Variants in EBF2 observed in about 807,000 individuals in gnomAD.
The protein encoded by EBF2 is EBF transcription factor 2, also known as transcription factor COE2.
In EBF2, 21 loss-of-function variants were observed where a neutral mutation model predicts 72.8. The observed-to-expected ratio is 0.29, with a 90% CI of 0.20 to 0.42. The LOEUF is 0.42. Among genes scored for constraint, EBF2 ranks in the 10% least tolerant of loss-of-function variants. The pLI is 1.00. For missense variants in EBF2, 637 were observed against 731.2 expected, an observed-to-expected ratio of 0.87 and a Z score of 1.49; for synonymous variants, 299 against 274.2, an observed-to-expected ratio of 1.09 and a Z score of -0.89.
chr8:25,970,351 G>A (rs764483606), intron 6 of EBF2, among the ~76,000 whole-genome samples: 3 of 152,112 alleles, frequency 2.0e-5, no homozygotes, highest in African/African-American at 7.2e-5. Flanking sequence ...AGCATGTGTC[G>A]GTCTCGGAGC....
chr8:25,923,912 C>G (rs1366014299), intron 6 of EBF2, among the ~76,000 whole-genome samples: 1 of 142,792 alleles, frequency 7.0e-6, no homozygotes. Flanking sequence ...CTCTTTTAAC[C>G]TGGGCTGAAT....
intron 6 of EBF2, among the ~76,000 whole-genome samples, chr8:25,961,309 A>G (rs1464941719): frequency 6.6e-5 from 10 of 152,232 alleles, no homozygotes. Flanking sequence ...AATAAATTTT[A>G]CAATTTGCTA....
At chr8:25,889,191 T>A (rs931664629) in intron 8 of EBF2, among the ~76,000 whole-genome samples, 1 of 152,164 alleles carries the variant, frequency 6.6e-6, no homozygotes, top group African/African-American at 2.4e-5. Context: ...ATAATTAAAA[T>A]GGAATTTACT....
At chr8:25,912,768 A>G (rs565557833) in intron 6 of EBF2, among the ~76,000 whole-genome samples, 8 of 152,266 alleles carry the variant, frequency 5.3e-5, no homozygotes, top group African/African-American at 1.9e-4. Context: ...ACGTTTCTCC[A>G]GATTCTGAAA....
chr8:25,953,808 T>A (rs1267344706), intron 6 of EBF2, among the ~76,000 whole-genome samples: 2 of 152,132 alleles, frequency 1.3e-5, no homozygotes, highest in Non-Finnish European at 2.9e-5. Flanking sequence ...TAGGGCAACA[T>A]CACACAGAGC....
intron 6 of EBF2, among the ~76,000 whole-genome samples, chr8:25,990,467 GC>G (rs1804526388): frequency 6.6e-6 from 1 of 152,122 alleles, no homozygotes; most frequent in Non-Finnish European, 1.5e-5. Flanking sequence ...CCAGCTTGGG[GC>G]CAAGCACTCA....
intron 7 of EBF2, among the ~76,000 whole-genome samples, chr8:25,903,794 G>A (rs1033075858): frequency 6.6e-6 from 1 of 152,224 alleles, no homozygotes; most frequent in Admixed American, 6.5e-5. Flanking sequence ...CTTAGGAGGA[G>A]GCAGCGACAC....
At chr8:26,011,268 A>G (rs1425508073) in intron 6 of EBF2, among the ~76,000 whole-genome samples, 1 of 152,196 alleles carries the variant, frequency 6.6e-6, no homozygotes, top group East Asian at 1.9e-4. Flanking sequence ...ACGATTTCTT[A>G]TTTTTAGGTT....
intron 14 of EBF2, among the ~76,000 whole-genome samples, chr8:25,853,163 A>C (rs1484005631): frequency 6.6e-6 from 1 of 152,216 alleles, no homozygotes; most frequent in African/African-American, 2.4e-5. Context: ...TTTAAAAGCA[A>C]AATTGTAAAA....
intron 14 of EBF2, 77 bp downstream of exon 14, chr8:25,858,242 C>T (rs919794906): frequency 2.6e-6 from 4 of 1,561,240 alleles, no homozygotes; most frequent in Non-Finnish European, 3.5e-6. Flanking sequence ...ACAAATGCAA[C>T]TTTCTCCCAA....
chr8:25,903,659 T>C (rs6557869), intron 7 of EBF2, among the ~76,000 whole-genome samples: 102 of 152,168 alleles, frequency 6.7e-4, no homozygotes, highest in African/African-American at 2.3e-3. Flanking sequence ...ATCGCGCCAC[T>C]GCACTCCAGC....
intron 7 of EBF2, among the ~76,000 whole-genome samples, chr8:25,907,419 CAAAAAAAAAAA>C (rs55695734): frequency 2.4e-3 from 70 of 28,902 alleles, no homozygotes; most frequent in African/African-American, 5.1e-3. Context: ...GACCCTGCCT[CAAAAAAAAAAA>C]AAAAAAAAAA....
intron 7 of EBF2, among the ~76,000 whole-genome samples, chr8:25,906,367 T>G (rs895001129): frequency 6.6e-6 from 1 of 152,198 alleles, no homozygotes; most frequent in Non-Finnish European, 1.5e-5. Flanking sequence ...TGGACTGAAA[T>G]TATTTACATT....
rs576802918 is a variant in EBF2, at chr8:25,865,703, G to T, written c.1010-2906C>A. Among the ~76,000 whole-genome samples the T allele has an allele frequency of 8.0e-5, 12 of 150,382 alleles. No individual in the cohort carries two copies. The South Asian group carries it at 2.6e-3, about 33-fold the overall frequency. On this transcript the variant is annotated intron_variant, in intron 10 of 15. Transcript: ENST00000520164. Reference sequence around the variant, plus strand: ...GGCCTCCCAGAGTGCTGGGATTACAGACCTGAGCCACTGCACCTGGCCTAT... The same window carrying T: ...GGCCTCCCAGAGTGCTGGGATTACATACCTGAGCCACTGCACCTGGCCTAT...
intron 6 of EBF2, among the ~76,000 whole-genome samples, chr8:25,916,383 C>A (rs1233490239): frequency 5.9e-5 from 9 of 151,882 alleles, no homozygotes; most frequent in Non-Finnish European, 1.2e-4. Context: ...GTTATTCATG[C>A]AAAGTGTTTG....
At chr8:25,912,100 C>G (rs1803139048) in intron 6 of EBF2, among the ~76,000 whole-genome samples, 1 of 152,074 alleles carries the variant, frequency 6.6e-6, no homozygotes. Flanking sequence ...GAGGGAAACA[C>G]AGTTTGCTGA....
chr8:25,953,886 G>T (rs1803902007), intron 6 of EBF2, among the ~76,000 whole-genome samples: 1 of 152,130 alleles, frequency 6.6e-6, no homozygotes. Context: ...TTCTCCCTTC[G>T]GCTGCTAGGA....
intron 15 of EBF2, among the ~76,000 whole-genome samples, chr8:25,847,534 G>A (rs1353961243): frequency 3.3e-5 from 5 of 152,136 alleles, no homozygotes; most frequent in Admixed American, 2.6e-4. Context: ...GTCAACCCTC[G>A]CCTCCTCCCA....
chr8:25,904,592 T>C (rs932271576), intron 7 of EBF2, among the ~76,000 whole-genome samples: 3 of 152,214 alleles, frequency 2.0e-5, no homozygotes, highest in African/African-American at 7.2e-5. Context: ...GAAGGAATTG[T>C]GTATATGGCT....
Sources: gnomAD v4.1 joint callset for allele counts (sites outside exome capture counted in the v4.1 genomes callset) on GRCh38, gnomAD v4.1.1 for gene constraint, MANE v1.5 for transcripts, NCBI Gene and HGNC (gene_info 2026-07-23, HGNC 2026-07-21) for gene names.